The following PCDHGA1 variants were observed in gnomAD, a reference collection of about 807,000 sequenced individuals.
PCDHGA1 encodes protocadherin gamma-A1.
In PCDHGA1, 32 loss-of-function variants were observed where a neutral mutation model predicts 58.0. The observed-to-expected ratio is 0.55, with a 90% CI of 0.42 to 0.74. PCDHGA1 has a LOEUF of 0.74. PCDHGA1 is among the 30% of genes least tolerant of loss of function. The pLI is 0.00. For synonymous variants in PCDHGA1, 498 were observed against 501.1 expected (o/e 0.99, Z 0.08); for missense variants, 1,205 against 1,182.3 (o/e 1.02, Z -0.28).
chr5:141,393,683 G>T lies in PCDHGA1; in HGVS notation c.2421+60578G>T, dbSNP rs370409157. ...GGAAAATTAATGAAAAACAAACTCC[G>T]TTATTCCAGCTTAATGAAAATACTG... On this transcript the variant is annotated intron_variant, in intron 1 of 3. Transcript: ENST00000517417. The T allele has an allele frequency of 2.1e-5, 34 of 1,613,732 alleles. 1 individual carries two copies. The South Asian group carries it at 3.7e-4, about 18-fold the overall frequency.
At position 141,487,763 on chromosome 5, in the gene PCDHGA1, G is replaced by A; in HGVS notation, c.2422-7044G>A. ...AAGAGGTAACTATGTGGTAGACGCT[G>A]TGCTTTGTAACTGTTTCGTGAATTA... On this transcript the variant is annotated intron_variant, in intron 1 of 3. Coordinates refer to ENST00000517417, the MANE Select transcript of PCDHGA1 (RefSeq NM_018912.3). This position sits in a 1 kb window ranked among gnomAD's most constrained non-coding sequence, Gnocchi z 5.0. 6.5e-7 allele frequency: 1 copy of A among 1,544,968 alleles called. No homozygotes were observed. The highest frequency in any genetic ancestry group is 1.2e-5 in the South Asian group (1 of 83,382).
chr5:141,378,520 C>T (rs930266884), intron 1 of PCDHGA1: 4 of 151,996 alleles, frequency 2.6e-5, no homozygotes, highest in Non-Finnish European at 5.9e-5. Flanking sequence ...GAGACTCTGT[C>T]TCAAAAAATA....
chr5:141,501,327 AC>A (rs1208116606), intron 2 of PCDHGA1, among the ~76,000 whole-genome samples: 2 of 151,364 alleles, frequency 1.3e-5, no homozygotes, highest in Non-Finnish European at 2.9e-5. Context: ...ACACACACAC[AC>A]ACACACCCCA....
At chr5:141,380,270 A>G (rs1427444022) in intron 1 of PCDHGA1, among the ~76,000 whole-genome samples, 1 of 152,226 alleles carries the variant, frequency 6.6e-6, no homozygotes, top group Non-Finnish European at 1.5e-5. Flanking sequence ...GTAAAATCTC[A>G]GAGGAGAAAC....
intron 1 of PCDHGA1, chr5:141,420,995 C>T (rs1448491394): frequency 2.0e-6 from 1 of 503,150 alleles, no homozygotes; most frequent in East Asian, 3.3e-5. Flanking sequence ...CGCCGCTGCT[C>T]ACCAATCAGG....
chr5:141,351,662 G>A (rs1758780439), intron 1 of PCDHGA1: 1 of 1,613,900 alleles, frequency 6.2e-7, no homozygotes, highest in African/African-American at 1.3e-5. Context: ...CGCCTCCATT[G>A]CACAAGTAAG....
chr5:141,380,050 C>A (rs112095214), intron 1 of PCDHGA1, among the ~76,000 whole-genome samples: 11,568 of 151,826 alleles, frequency 0.076, 586 homozygotes, highest in African/African-American at 0.14. Context: ...CAGGTGCATG[C>A]CACCATGCCT....
rs750129951 is a variant in PCDHGA1 at position 141,375,757 on chromosome 5, T to C, written c.2421+42652T>C. The C allele has an allele frequency of 6.1e-5, 99 of 1,614,196 alleles. 1 individual carries two copies. The South Asian group carries it at 8.5e-4, about 14-fold the overall frequency. On this transcript the variant is annotated intron_variant, in intron 1 of 3. Coordinates refer to ENST00000517417, the MANE Select transcript of PCDHGA1 (RefSeq NM_018912.3). Reference sequence around the variant, plus strand: ...TGTTTGTGCTGGACCAGAATGACAATGCGCCCGAGATCCTGTACCCCGCCC... The same window carrying C: ...TGTTTGTGCTGGACCAGAATGACAACGCGCCCGAGATCCTGTACCCCGCCC...
At chr5:141,401,159 T>G (rs2094122338) in intron 1 of PCDHGA1, among the ~76,000 whole-genome samples, 1 of 152,076 alleles carries the variant, frequency 6.6e-6, no homozygotes, top group Admixed American at 6.6e-5. Context: ...CTGGGCAATA[T>G]GGTGAAAACC....
At chr5:141,346,454 T>G (rs1757754427) in intron 1 of PCDHGA1, 3 of 1,614,188 alleles carry the variant, frequency 1.9e-6, no homozygotes, top group African/African-American at 2.7e-5. Flanking sequence ...CCAACCTACT[T>G]CAGGTGAGTT....
At chr5:141,364,922 C>A (rs1201913698) in intron 1 of PCDHGA1, 1 of 1,613,948 alleles carries the variant, frequency 6.2e-7, no homozygotes, top group East Asian at 2.2e-5. Flanking sequence ...GGTGTTGGAA[C>A]AGCCCCTAGA....
At chr5:141,333,127 A>G (rs1156546339) in intron 1 of PCDHGA1, 22 bp downstream of exon 1, 5 of 1,613,994 alleles carry the variant, frequency 3.1e-6, no homozygotes, top group South Asian at 2.2e-5. Context: ...TGATGAATGT[A>G]TCAGCTATCT....
Position 141,421,478 on chromosome 5 carries a change from G to A in PCDHGA1, c.2422-73329G>A, listed in dbSNP as rs763769838. The A allele has an allele frequency of 2.5e-6, 4 of 1,614,012 alleles. No individual in the cohort carries two copies. In the African/African-American group the frequency reaches 4.0e-5, roughly 16 times the overall value. On this transcript the variant is annotated intron_variant, in intron 1 of 3. Coordinates refer to ENST00000517417, the MANE Select transcript of PCDHGA1 (RefSeq NM_018912.3). ...TTCGCTGTGAATCCGCGAAGCGGCA[G>A]CTTGATCACGGCAGGCAGGATAGAC... is the stretch of plus-strand genomic sequence containing the variant.
At position 141,491,660 on chromosome 5, in the gene PCDHGA1, C is replaced by G; in HGVS notation, c.2422-3147C>G. 6.2e-7 allele frequency: 1 copy of G among 1,613,810 alleles called. No individual in the cohort carries two copies. ...ACAGCTCTGGCGCTGGAGCCTGACG[C>G]CATCCGGTCCCGCTCTAATACGCTG... is the stretch of plus-strand genomic sequence containing the variant. On this transcript the variant is annotated intron_variant, in intron 1 of 3. Transcript: ENST00000517417. The surrounding 1 kb of genome is among the most constrained non-coding windows in gnomAD (Gnocchi z 6.9).
In PCDHGA1 at chr5:141,332,739, C is replaced by T. The variant is rs779310844; in HGVS notation, c.2055C>T (p.Asn685=). 4 of 1,614,086 alleles carry T rather than the reference C, an allele frequency of 2.5e-6. No homozygotes were observed. The highest frequency in any genetic ancestry group is 1.7e-5 in the Admixed American group (1 of 60,036). Residue 685 remains asparagine, a synonymous_variant, in exon 1 of 4, where the codon AAC becomes AAT. Coordinates refer to ENST00000517417, the MANE Select transcript of PCDHGA1 (RefSeq NM_018912.3). The surrounding 1 kb of genome is among the most constrained non-coding windows in gnomAD (Gnocchi z 4.6). The part of the protein sequence containing the change: ...LGSLEPSAKP[N]DSDLTLYLVV... ...GCCTCGAGCCCTCCGCCAAACCCAA[C>T]GATTCGGACCTCACTCTGTACCTGG...
intron 1 of PCDHGA1, chr5:141,346,281 C>T: frequency 6.2e-7 from 1 of 1,614,220 alleles, no homozygotes; most frequent in Non-Finnish European, 8.5e-7. Flanking sequence ...TCGGGCTTTC[C>T]TGCAGACCTA....
chr5:141,366,629 C>T (rs1380295495), intron 1 of PCDHGA1: 1 of 1,614,252 alleles, frequency 6.2e-7, no homozygotes, highest in South Asian at 1.1e-5. Flanking sequence ...GAGGAAGAGT[C>T]ACCTGATCTT....
chr5:141,403,358 G>A (rs1031210052), intron 1 of PCDHGA1: 1 of 1,614,026 alleles, frequency 6.2e-7, no homozygotes. Flanking sequence ...GTTCCAGGCC[G>A]AAAGTCTGGA....
At position 141,393,662 on chromosome 5, in the gene PCDHGA1, A is replaced by T. The variant is rs1442061423; in HGVS notation, c.2421+60557A>T. The T allele has an allele frequency of 8.7e-6, 14 of 1,613,816 alleles. No individual in the cohort carries two copies. In the Admixed American group the frequency reaches 2.3e-4, roughly 27 times the overall value. On this transcript the variant is annotated intron_variant, in intron 1 of 3. Transcript: ENST00000517417. ...GAAAAGTGGCATACAAATTCCGGAAAATTAATGAAAAACAAACTCCGTTAT... is the reference window on the plus strand; with the variant it reads ...GAAAAGTGGCATACAAATTCCGGAATATTAATGAAAAACAAACTCCGTTAT...
Sources: allele counts gnomAD v4.1 joint callset (sites outside exome capture counted in the v4.1 genomes callset), GRCh38; gene constraint gnomAD v4.1.1; non-coding constraint Gnocchi (gnomAD v3.1); transcripts MANE v1.5; gene names NCBI Gene and HGNC (gene_info 2026-07-23, HGNC 2026-07-21).